The following RAB3GAP1 variants were observed in gnomAD, a reference collection of about 807,000 sequenced individuals.
RAB3GAP1 encodes the protein rab3 GTPase-activating protein catalytic subunit.
A neutral mutation model predicts 130.7 loss-of-function variants in RAB3GAP1; 86 were observed. The observed-to-expected ratio is 0.66, with a 90% CI of 0.55 to 0.79. The LOEUF (loss-of-function observed/expected upper bound fraction) is 0.79. Among genes scored for constraint, RAB3GAP1 ranks in the 30% least tolerant of loss-of-function variants. RAB3GAP1 has a pLI of 0.00. For missense variants in RAB3GAP1, 1,029 were observed against 1,169.4 expected (o/e 0.88, Z 1.75); for synonymous variants, 367 against 401.7 (o/e 0.91, Z 1.03).
rs1437401747 is a variant in RAB3GAP1 at position 135,153,770 on chromosome 2, G to A, written c.2183G>A (p.Arg728Gln). ...GTGCTGAAAGGAGAACTGAGTGCCCGGATGAAGATTCCAAGCAATATGTGG... is the reference window on the plus strand; with the variant it reads ...GTGCTGAAAGGAGAACTGAGTGCCCAGATGAAGATTCCAAGCAATATGTGG... ...NVVLKGELSA[R>Q]MKIPSNMWVE... Residue 728 changes from arginine to glutamine, a missense_variant, in exon 19 of 24, where the codon CGG becomes CAG. Transcript: ENST00000264158. 2 of 1,614,006 alleles carry A rather than the reference G, an allele frequency of 1.2e-6. No homozygotes were observed. Among genetic ancestry groups the A allele is most frequent in the Non-Finnish European group, 1.7e-6 (2 of 1,179,920 alleles).
rs771764402 is a variant in RAB3GAP1, at chr2:135,120,903, C to T, written c.733C>T (p.Pro245Ser). The change falls in exon 8 of 24, where the codon CCT becomes TCT. Residue 245 changes from proline to serine, a missense_variant. Physicochemically the swap from Pro to Ser is moderately conservative, Grantham distance 74. This residue lies in a region of RAB3GAP1 where 510 missense variants were observed against 532.1 expected (regional missense o/e 0.96). Transcript: ENST00000264158. ...TCAAGATTGGCAGCAGTATTTTTGG[C>T]CTCAGCAACCTCCAGGTGAGATCAT... ...VLQDWQQYFW[P>S]QQPPDIDALV... 5.0e-6 allele frequency: 8 copies of T among 1,594,908 alleles called. No homozygotes were observed. Among genetic ancestry groups the T allele is most frequent in the Non-Finnish European group, 8.6e-7 (1 of 1,162,662 alleles).
intron 5 of RAB3GAP1, among the ~76,000 whole-genome samples, chr2:135,109,458 C>A (rs1016897386): frequency 8.6e-5 from 13 of 151,628 alleles, no homozygotes; most frequent in African/African-American, 3.2e-4. Flanking sequence ...GTACATACAC[C>A]TTTTTGCATT....
Position 135,132,998 on chromosome 2 carries a change from G to A in RAB3GAP1, c.1326+14G>A, listed in dbSNP as rs1691590076. The A allele has an allele frequency of 7.0e-7, 1 of 1,429,984 alleles. No homozygotes were observed. The highest frequency in any genetic ancestry group is 9.9e-7 in the Non-Finnish European group (1 of 1,013,672). 88.6% of individuals were successfully genotyped at this position (1,429,984 alleles called of 1,614,324 possible). A position where few individuals can be genotyped will look rare whatever the true frequency, so the allele number is the denominator to read the frequency against. On this transcript the variant is annotated intron_variant, in intron 14 of 23. Transcript: ENST00000264158. ...AGTGAAGACTATGTAAGTTGATGTG[G>A]AGTTCAATGTTAAAATGTTTTAAAT...
intron 11 of RAB3GAP1, among the ~76,000 whole-genome samples, chr2:135,127,862 C>T (rs1165412441): frequency 1.3e-5 from 2 of 152,152 alleles, no homozygotes; most frequent in African/African-American, 2.4e-5. Flanking sequence ...GATTCGTCCC[C>T]TTCCCTTTTT....
Position 135,143,861 on chromosome 2 carries a change from A to G in RAB3GAP1, c.1924-6508A>G, listed in dbSNP as rs74265445. On this transcript the variant is annotated intron_variant, in intron 17 of 23. Coordinates refer to ENST00000264158, the MANE Select transcript of RAB3GAP1 (RefSeq NM_012233.3). ...ACTGTGTCCGGCCCTAACATGTTAC[A>G]TTTTAAGCAGTCTCCTTAATTTGGG... 3.3e-4 allele frequency among the ~76,000 whole-genome samples: 51 copies of G among 152,316 alleles called. 1 individual carries two copies. In the East Asian group the frequency reaches 8.3e-3, roughly 25 times the overall value.
At chr2:135,081,370 GTGTGTGTGTGTATA>G (rs1689814943) in intron 3 of RAB3GAP1, among the ~76,000 whole-genome samples, 1 of 87,104 alleles carries the variant, frequency 1.1e-5, no homozygotes. Flanking sequence ...ATACACACAC[GTGTGTGTGTGTATA>G]TATATATGTA....
intron 17 of RAB3GAP1, among the ~76,000 whole-genome samples, chr2:135,149,644 T>C (rs1247256229): frequency 1.3e-5 from 2 of 152,156 alleles, no homozygotes; most frequent in African/African-American, 4.8e-5. Context: ...TAACCAGAGA[T>C]GATCATTGTT....
chr2:135,122,917 TG>T (rs1028539155), intron 8 of RAB3GAP1, among the ~76,000 whole-genome samples: 43 of 152,094 alleles, frequency 2.8e-4, no homozygotes, highest in Admixed American at 2.8e-3. Flanking sequence ...TTAGTAGATA[TG>T]GGGTTTCACC....
intron 5 of RAB3GAP1, among the ~76,000 whole-genome samples, chr2:135,094,674 C>T (rs1314412103): frequency 1.3e-5 from 2 of 152,184 alleles, no homozygotes; most frequent in East Asian, 3.8e-4. Context: ...CAGCTTCCCA[C>T]TTCTAACCCA....
intron 13 of RAB3GAP1, 43 bp downstream of exon 13, chr2:135,130,764 TTTATTCATTATATAG>T: frequency 1.9e-6 from 3 of 1,549,590 alleles, no homozygotes; most frequent in Non-Finnish European, 2.7e-6. Flanking sequence ...TGCAGAATCA[TTTATTCATTATATAG>T]CCAGTTCCTT....
At chr2:135,143,536 C>T (rs994768695) in intron 17 of RAB3GAP1, among the ~76,000 whole-genome samples, 3 of 150,312 alleles carry the variant, frequency 2.0e-5, no homozygotes, top group African/African-American at 7.3e-5. Flanking sequence ...GATATTCAAC[C>T]TTTCTTCTGT....
In RAB3GAP1 at chr2:135,126,218, G is replaced by A. The variant is rs756631554; in HGVS notation, c.868G>A (p.Glu290Lys). ...AGCTACTACATGGCCTCATCTGACC[G>A]AAGGGATCATTGTGGATAATGATGT... ...HLATTWPHLT[E>K]GIIVDNDVYS... Residue 290 changes from glutamate to lysine, a missense_variant, in exon 10 of 24, where the codon GAA (glutamate) becomes AAA (lysine). Physicochemically the swap from Glu to Lys is moderately conservative, Grantham distance 56 (BLOSUM62 1). Around this residue, in one of 3 missense-constraint regions of RAB3GAP1, gnomAD observed 510 missense variants for 532.1 expected, o/e 0.96. Transcript: ENST00000264158. 15 of 1,613,060 alleles carry A rather than the reference G, an allele frequency of 9.3e-6. No homozygotes were observed. The highest frequency in any genetic ancestry group is 6.7e-5 in the African/African-American group (5 of 74,862).
chr2:135,078,802 C>G (rs1689704992), intron 3 of RAB3GAP1, among the ~76,000 whole-genome samples: 1 of 151,190 alleles, frequency 6.6e-6, no homozygotes, highest in Admixed American at 6.6e-5. Flanking sequence ...GCCTCAGCCT[C>G]TGGAGTAGCT....
At chr2:135,088,476 G>C (rs903743537) in intron 3 of RAB3GAP1, among the ~76,000 whole-genome samples, 2 of 151,808 alleles carry the variant, frequency 1.3e-5, no homozygotes, top group Non-Finnish European at 2.9e-5. Flanking sequence ...ATGACTTGAG[G>C]TCAGGAGTTC....
At chr2:135,071,801 T>C (rs1295651714) in intron 3 of RAB3GAP1, among the ~76,000 whole-genome samples, 1 of 152,212 alleles carries the variant, frequency 6.6e-6, no homozygotes, top group Non-Finnish European at 1.5e-5. Context: ...AACCACTTCC[T>C]GCTAACCATG....
chr2:135,104,674 G>C (rs1423073481), intron 5 of RAB3GAP1, among the ~76,000 whole-genome samples: 1 of 151,658 alleles, frequency 6.6e-6, no homozygotes, highest in African/African-American at 2.4e-5. Context: ...ACAACATGGT[G>C]AAACCCTGTC....
chr2:135,165,216 A>G (rs1474980883), intron 23 of RAB3GAP1: 2 of 442,802 alleles, frequency 4.5e-6, no homozygotes, highest in South Asian at 1.6e-5. Context: ...CAGCACAGAA[A>G]GAAAGCCCAG....
chr2:135,154,815 G>T lies in RAB3GAP1; in HGVS notation c.2289+939G>T, dbSNP rs377715927. 2.0e-4 allele frequency among the ~76,000 whole-genome samples: 31 copies of T among 152,010 alleles called. No homozygotes were observed. In the South Asian group the frequency reaches 5.4e-3, roughly 27 times the overall value. On this transcript the variant is annotated intron_variant, in intron 19 of 23. Transcript: ENST00000264158. ...GAGTGGATGGGAATGATGAGAAAAA[G>T]GAAATAAGAGGGGAAAATTAAGGAT...
intron 7 of RAB3GAP1, among the ~76,000 whole-genome samples, chr2:135,119,580 A>G (rs1007612275): frequency 6.6e-6 from 1 of 152,194 alleles, no homozygotes; most frequent in East Asian, 1.9e-4. Context: ...TGACCAGCCA[A>G]AATCTCACCT....
Sources: gnomAD v4.1 joint callset for allele counts (sites outside exome capture counted in the v4.1 genomes callset) on GRCh38, gnomAD v4.1.1 for gene constraint, gnomAD v4.1.1 regional missense constraint, MANE v1.5 for transcripts, NCBI Gene and HGNC (gene_info 2026-07-23, HGNC 2026-07-21) for gene names.